PCDHGA11: variants seen among roughly 807,000 people sequenced by gnomAD.
PCDHGA11 encodes protocadherin gamma subfamily A, 11.
PCDHGA11 carries 39 observed loss-of-function variants against 60.4 expected under a neutral mutation model. That is an observed-to-expected ratio of 0.65 (90% CI 0.50 to 0.84). The LOEUF is 0.84. Among genes scored for constraint, PCDHGA11 ranks in the 40% least tolerant of loss-of-function variants. PCDHGA11 has a pLI of 0.00. For synonymous variants in PCDHGA11, 533 were observed against 510.3 expected (o/e 1.04, Z -0.60); for missense variants, 1,165 against 1,197.7 (o/e 0.97, Z 0.40).
chr5:141,427,704 G>C (rs2097059746), intron 1 of PCDHGA11: 2 of 966,116 alleles, frequency 2.1e-6, no homozygotes, highest in Non-Finnish European at 3.2e-6. Context: ...ACAAGTCAGC[G>C]CCTCTGACCT....
At chr5:141,443,448 T>C (rs1205977008) in intron 1 of PCDHGA11, among the ~76,000 whole-genome samples, 1 of 152,210 alleles carries the variant, frequency 6.6e-6, no homozygotes, top group African/African-American at 2.4e-5. Context: ...GTTGCGCTCC[T>C]GTACTCCAGT....
intron 1 of PCDHGA11, chr5:141,478,174 G>GA (rs1156842877): frequency 3.7e-6 from 6 of 1,613,692 alleles, no homozygotes; most frequent in South Asian, 1.1e-5. Context: ...CCCGGGAGCA[G>GA]AAAAAAAATC....
In PCDHGA11 at chr5:141,476,584, C is replaced by A; in HGVS notation, c.2434-18223C>A. ...TGGCTCCGGGGACGCGCTTTCCGCTCGAGAGCGCGCACGATCCCGATGTGG... is the reference window on the plus strand; with the variant it reads ...TGGCTCCGGGGACGCGCTTTCCGCTAGAGAGCGCGCACGATCCCGATGTGG... On this transcript the variant is annotated intron_variant, in intron 1 of 3. Coordinates refer to ENST00000398587, the MANE Select transcript of PCDHGA11 (RefSeq NM_018914.3). This position sits in a 1 kb window ranked among gnomAD's most constrained non-coding sequence, Gnocchi z 7.6. The A allele has an allele frequency of 6.2e-7, 1 of 1,614,216 alleles. No homozygotes were observed. The highest frequency in any genetic ancestry group is 8.5e-7 in the Non-Finnish European group (1 of 1,180,042).
Position 141,490,330 on chromosome 5 carries a change from C to G in PCDHGA11, c.2434-4477C>G. 4 of 1,614,198 alleles carry G rather than the reference C, an allele frequency of 2.5e-6. No homozygotes were observed. Among genetic ancestry groups the G allele is most frequent in the South Asian group, 1.1e-5 (1 of 91,082 alleles). On this transcript the variant is annotated intron_variant, in intron 1 of 3. Coordinates refer to ENST00000398587, the MANE Select transcript of PCDHGA11 (RefSeq NM_018914.3). This position sits in a 1 kb window ranked among gnomAD's most constrained non-coding sequence, Gnocchi z 5.4. ...GGCCAACCCTGTCCTAGAGAGCACACCAGTGGGCACAGTAGTGGGGTTGTT... is the reference window on the plus strand; with the variant it reads ...GGCCAACCCTGTCCTAGAGAGCACAGCAGTGGGCACAGTAGTGGGGTTGTT...
chr5:141,475,139 C>T (rs928313061), intron 1 of PCDHGA11, among the ~76,000 whole-genome samples: 2 of 151,928 alleles, frequency 1.3e-5, no homozygotes, highest in African/African-American at 4.8e-5. Flanking sequence ...TTTTTGAAAT[C>T]TTCTCCGTCT....
intron 3 of PCDHGA11, among the ~76,000 whole-genome samples, chr5:141,509,766 G>A (rs1176830940): frequency 6.6e-6 from 1 of 152,104 alleles, no homozygotes; most frequent in Non-Finnish European, 1.5e-5. Flanking sequence ...TCCCTGAGAT[G>A]TCTAGTCCCC....
At chr5:141,496,844 T>G (rs1275272674) in intron 2 of PCDHGA11, among the ~76,000 whole-genome samples, 2 of 150,852 alleles carry the variant, frequency 1.3e-5, no homozygotes, top group Non-Finnish European at 2.9e-5. Context: ...CTCATAGGCT[T>G]CCAGACCAGC....
intron 1 of PCDHGA11, among the ~76,000 whole-genome samples, chr5:141,472,980 C>CAAAAAAAAAAAAAA (rs60579131): frequency 5.8e-5 from 5 of 86,102 alleles, no homozygotes; most frequent in Admixed American, 1.2e-4. Context: ...GAGTGAAACT[C>CAAAAAAAAAAAAAA]AAAAAAAAAA....
intron 1 of PCDHGA11, among the ~76,000 whole-genome samples, chr5:141,444,771 T>C (rs987549188): frequency 6.6e-6 from 1 of 152,246 alleles, no homozygotes; most frequent in African/African-American, 2.4e-5. Context: ...TTCTATATTC[T>C]TGATCATGTT....
chr5:141,485,821 T>C lies in PCDHGA11; in HGVS notation c.2434-8986T>C, dbSNP rs765768266. 4 of 1,614,134 alleles carry C rather than the reference T, an allele frequency of 2.5e-6. No homozygotes were observed. Among genetic ancestry groups the C allele is most frequent in the Admixed American group, 1.7e-5 (1 of 60,014 alleles). ...ACCGCCTGGTGCTGACTGCTGTCGATGGAGGGAACCCGCCGAGATCTGGCA... is the reference window on the plus strand; with the variant it reads ...ACCGCCTGGTGCTGACTGCTGTCGACGGAGGGAACCCGCCGAGATCTGGCA... On this transcript the variant is annotated intron_variant, in intron 1 of 3. Coordinates refer to ENST00000398587, the MANE Select transcript of PCDHGA11 (RefSeq NM_018914.3). This position sits in a 1 kb window ranked among gnomAD's most constrained non-coding sequence, Gnocchi z 5.7.
At chr5:141,445,524 TA>T (rs1180348783) in intron 1 of PCDHGA11, among the ~76,000 whole-genome samples, 1 of 152,192 alleles carries the variant, frequency 6.6e-6, no homozygotes, top group Admixed American at 6.5e-5. Flanking sequence ...ACAGGTCTGA[TA>T]AAAGCCAACA....
At chr5:141,427,650 G>C (rs1352503291) in intron 1 of PCDHGA11, 1 of 718,312 alleles carries the variant, frequency 1.4e-6, no homozygotes. Flanking sequence ...AGTCTCCTAC[G>C]TGGTCCACGT....
rs2099687792 is a variant in PCDHGA11, at chr5:141,489,485, G to GT, written c.2434-5321dup. Reference sequence around the variant, plus strand: ...TATTTTTCCCTGAGCTTGATGAGTGGTGCCCTGGCAGTGAATCAAAAGATT... The same window carrying GT: ...TATTTTTCCCTGAGCTTGATGAGTGGTTGCCCTGGCAGTGAATCAAAAGATT... On this transcript the variant is annotated intron_variant, in intron 1 of 3. Coordinates refer to ENST00000398587, the MANE Select transcript of PCDHGA11 (RefSeq NM_018914.3). This position sits in a 1 kb window ranked among gnomAD's most constrained non-coding sequence, Gnocchi z 4.5. The GT allele has an allele frequency of 6.2e-7, 1 of 1,614,088 alleles. No individual in the cohort carries two copies. The highest frequency in any genetic ancestry group is 2.2e-5 in the East Asian group (1 of 44,868).
At position 141,485,683 on chromosome 5, in the gene PCDHGA11, T is replaced by C. The variant is rs2099617681; in HGVS notation, c.2434-9124T>C. ...TGGGGAGCAATTCGATTAGCAGCTA[T>C]AGGCTGAGCTCCAATGAACACTTTG... On this transcript the variant is annotated intron_variant, in intron 1 of 3. Coordinates refer to ENST00000398587, the MANE Select transcript of PCDHGA11 (RefSeq NM_018914.3). This position sits in a 1 kb window ranked among gnomAD's most constrained non-coding sequence, Gnocchi z 5.7. 3.7e-6 allele frequency: 6 copies of C among 1,614,042 alleles called. No individual in the cohort carries two copies. The South Asian group carries it at 4.4e-5, about 12-fold the overall frequency.
intron 1 of PCDHGA11, among the ~76,000 whole-genome samples, chr5:141,452,689 C>G (rs1198702467): frequency 6.6e-6 from 1 of 151,562 alleles, no homozygotes; most frequent in Non-Finnish European, 1.5e-5. Context: ...AGAATGAAAC[C>G]CTGTCAAGAA....
At chr5:141,498,318 G>T (rs927950671) in intron 2 of PCDHGA11, among the ~76,000 whole-genome samples, 2 of 151,792 alleles carry the variant, frequency 1.3e-5, no homozygotes, top group African/African-American at 4.8e-5. Flanking sequence ...TGCCTACACA[G>T]AAGGAAGAGC....
Position 141,451,680 on chromosome 5 carries a change from A to G in PCDHGA11, c.2433+28020A>G, listed in dbSNP as rs189200375. Among the ~76,000 whole-genome samples, 85 of 152,310 alleles carry G rather than the reference A, an allele frequency of 5.6e-4. 1 individual carries two copies. The East Asian group carries it at 0.012, about 21-fold the overall frequency. On this transcript the variant is annotated intron_variant, in intron 1 of 3. Coordinates refer to ENST00000398587, the MANE Select transcript of PCDHGA11 (RefSeq NM_018914.3). The stretch of plus-strand genomic sequence containing the variant: ...GTGGACTGCTTGAGCCCAGGAGTTC[A>G]AGACCAGCCTGGGTAACATGACAAA...
intron 1 of PCDHGA11, chr5:141,427,595 C>A: frequency 1.5e-6 from 1 of 681,870 alleles, no homozygotes; most frequent in Non-Finnish European, 2.7e-6. Flanking sequence ...CAAGCCTCAC[C>A]CTACGCATTG....
Position 141,487,931 on chromosome 5 carries a change from G to A in PCDHGA11, c.2434-6876G>A. The stretch of plus-strand genomic sequence containing the variant: ...AGCACAGGAGGCTACAGTGCACAGG[G>A]TACAGTGCACCAGGCAGTCACTTGG... On this transcript the variant is annotated intron_variant, in intron 1 of 3. Transcript: ENST00000398587. The surrounding 1 kb of genome is among the most constrained non-coding windows in gnomAD (Gnocchi z 5.0). The A allele has an allele frequency of 1.6e-6, 1 of 612,954 alleles. No homozygotes were observed. The highest frequency in any genetic ancestry group is 2.8e-6 in the Non-Finnish European group (1 of 351,318). 38.0% of individuals were successfully genotyped at this position (612,954 alleles called of 1,614,324 possible). A position where few individuals can be genotyped will look rare whatever the true frequency, so the allele number is the denominator to read the frequency against.
Sources: allele counts gnomAD v4.1 joint callset (sites outside exome capture counted in the v4.1 genomes callset), GRCh38; gene constraint gnomAD v4.1.1; non-coding constraint Gnocchi (gnomAD v3.1); transcripts MANE v1.5; gene names NCBI Gene and HGNC (gene_info 2026-07-23, HGNC 2026-07-21).